Variants in TMEM217 observed in about 807,000 individuals in gnomAD.
TMEM217 encodes transmembrane protein 217, also known as chromosome 6 open reading frame 128.
For synonymous variants in TMEM217, 76 were observed against 88.3 expected, an observed-to-expected ratio of 0.86 and a Z score of 0.78; for missense variants, 204 against 248.8, an observed-to-expected ratio of 0.82 and a Z score of 1.21.
intron 1 of TMEM217, among the ~76,000 whole-genome samples, chr6:37,257,351 C>T (rs142771622): frequency 2.2e-4 from 34 of 152,154 alleles, no homozygotes; most frequent in Middle Eastern, 3.4e-3. Context: ...GACATGTAAA[C>T]GGAATGAGGA....
chr6:37,252,644 T>A (rs1289082242), intron 1 of TMEM217, among the ~76,000 whole-genome samples: 1,495 of 94,246 alleles, frequency 0.016, 17 homozygotes, highest in African/African-American at 0.081. Flanking sequence ...TATATTTTTT[T>A]TTTTTTTTTT....
intron 1 of TMEM217, among the ~76,000 whole-genome samples, chr6:37,249,852 A>G (rs1352849060): frequency 6.6e-6 from 1 of 152,248 alleles, no homozygotes; most frequent in Non-Finnish European, 1.5e-5. Flanking sequence ...AGTATTTTGC[A>G]AAGTTGAACT....
chr6:37,215,498 G>C (rs1763136067), downstream of TMEM217, among the ~76,000 whole-genome samples: 1 of 137,938 alleles, frequency 7.2e-6, no homozygotes, highest in African/African-American at 2.7e-5. Context: ...CAGGACCCGG[G>C]AGGTAGAGGT....
chr6:37,241,270 G>T (rs1270427409), intron 1 of TMEM217, among the ~76,000 whole-genome samples: 1 of 151,446 alleles, frequency 6.6e-6, no homozygotes, highest in Non-Finnish European at 1.5e-5. Flanking sequence ...TAGAAACGGG[G>T]TCTCACTATG....
intron 1 of TMEM217, among the ~76,000 whole-genome samples, chr6:37,224,190 C>T (rs1402910029): frequency 4.1e-5 from 6 of 147,486 alleles, no homozygotes; most frequent in East Asian, 2.1e-4. Context: ...CCGCCTGCCT[C>T]GGCCTCCCAA....
chr6:37,215,183 T>C, downstream of TMEM217: 1 of 1,612,666 alleles, frequency 6.2e-7, no homozygotes, highest in Non-Finnish European at 8.5e-7. Flanking sequence ...TACATTCTAT[T>C]CATTCAATAC....
At chr6:37,250,822 A>G (rs1328299958) in intron 1 of TMEM217, among the ~76,000 whole-genome samples, 1 of 152,240 alleles carries the variant, frequency 6.6e-6, no homozygotes, top group Non-Finnish European at 1.5e-5. Context: ...ATTCTATTTC[A>G]TTAAAGGTCC....
At chr6:37,258,103 G>A (rs1765887683) in exon 1 of TMEM217, 4 of 1,035,172 alleles carry the variant, frequency 3.9e-6, no homozygotes, top group Non-Finnish European at 5.5e-6. Context: ...ACTGCCTGGT[G>A]GCGGCAGGGC....
intron 1 of TMEM217, among the ~76,000 whole-genome samples, chr6:37,231,779 A>T (rs1043506469): frequency 2.7e-5 from 4 of 148,438 alleles, no homozygotes; most frequent in Admixed American, 2.0e-4. Context: ...ATATTTTTTC[A>T]ATGTAGAGAT....
intron 1 of TMEM217, among the ~76,000 whole-genome samples, chr6:37,220,248 A>G (rs542876418): frequency 6.6e-6 from 1 of 152,356 alleles, no homozygotes; most frequent in African/African-American, 2.4e-5. Context: ...AGTGCTCCCC[A>G]AGTGGAAGGA....
chr6:37,249,308 C>T (rs1765263172), intron 1 of TMEM217, among the ~76,000 whole-genome samples: 1 of 151,798 alleles, frequency 6.6e-6, no homozygotes, highest in South Asian at 2.1e-4. Context: ...TTTCATTCTT[C>T]TTCTTCTTCT....
intron 1 of TMEM217, among the ~76,000 whole-genome samples, chr6:37,237,087 A>T (rs186449027): frequency 3.3e-4 from 50 of 152,284 alleles, no homozygotes; most frequent in African/African-American, 1.2e-3. Context: ...TCCCATAGCA[A>T]CACGTTTCCT....
In TMEM217 at chr6:37,234,163, G is replaced by C. The variant is rs143618013; in HGVS notation, c.-11-15122C>G. ...CACCCAGGATGGAGTGCAGTGGTGT[G>C]ATCTTGGCTCACTGCAACCTCTGTC... On this transcript the variant is annotated intron_variant, in intron 1 of 1. Transcript: ENST00000357219. Among the ~76,000 whole-genome samples, 34 of 149,230 alleles carry C rather than the reference G, an allele frequency of 2.3e-4. No individual in the cohort carries two copies. The East Asian group carries it at 6.7e-3, about 29-fold the overall frequency.
intron 1 of TMEM217, among the ~76,000 whole-genome samples, chr6:37,226,453 C>CA (rs1763845652): frequency 6.6e-6 from 1 of 151,584 alleles, no homozygotes; most frequent in African/African-American, 2.4e-5. Context: ...CCACGGCGCC[C>CA]AGCTAATTTT....
chr6:37,214,538 T>A (rs144613522), downstream of TMEM217, among the ~76,000 whole-genome samples: 147 of 152,154 alleles, frequency 9.7e-4, 1 homozygote, highest in East Asian at 5.8e-4. Context: ...TCTTCAGAAC[T>A]TTTTCATCAT....
chr6:37,232,830 A>G (rs1386215678), intron 1 of TMEM217, among the ~76,000 whole-genome samples: 2 of 152,144 alleles, frequency 1.3e-5, no homozygotes, highest in Non-Finnish European at 2.9e-5. Context: ...GACTTCTGAC[A>G]CCAAACTCAC....
At chr6:37,238,824 T>C (rs1764618429) in intron 1 of TMEM217, among the ~76,000 whole-genome samples, 1 of 152,242 alleles carries the variant, frequency 6.6e-6, no homozygotes, top group Admixed American at 6.5e-5. Context: ...AGTATTGATA[T>C]ATGATTTTAA....
intron 1 of TMEM217, among the ~76,000 whole-genome samples, chr6:37,224,108 T>C (rs1763681905): frequency 6.6e-6 from 1 of 151,394 alleles, no homozygotes; most frequent in Non-Finnish European, 1.5e-5. Context: ...GGCTCATTTT[T>C]TTGTATTTTT....
chr6:37,254,960 T>G (rs1374488540), intron 1 of TMEM217, among the ~76,000 whole-genome samples: 2 of 152,168 alleles, frequency 1.3e-5, no homozygotes, highest in African/African-American at 4.8e-5. Flanking sequence ...ATCCCTTGTA[T>G]GAGCAGTTCA....
Sources: allele counts gnomAD v4.1 joint callset (sites outside exome capture counted in the v4.1 genomes callset), GRCh38; gene constraint gnomAD v4.1.1; transcripts MANE v1.5; gene names NCBI Gene and HGNC (gene_info 2026-07-23, HGNC 2026-07-21).